Variants in ICA1L observed in about 807,000 individuals in gnomAD.
ICA1L encodes islet cell autoantigen 1-like protein.
ICA1L carries 50 observed loss-of-function variants against 61.3 expected under a neutral mutation model. The observed-to-expected ratio is 0.82, with a 90% CI of 0.65 to 1.03. The LOEUF (loss-of-function observed/expected upper bound fraction) is 1.03, where lower values mean the gene tolerates loss of function less well. ICA1L is among the 50% of genes least tolerant of loss of function. The pLI, the probability that ICA1L is intolerant of heterozygous loss-of-function variation, is 0.00. For missense variants in ICA1L, 508 were observed against 556.7 expected (o/e 0.91, Z 0.88); for synonymous variants, 161 against 191.3 (o/e 0.84, Z 1.31).
At chr2:202,866,705 C>T (rs960080353) in intron 1 of ICA1L, among the ~76,000 whole-genome samples, 1 of 152,114 alleles carries the variant, frequency 6.6e-6, no homozygotes, top group East Asian at 1.9e-4. Flanking sequence ...CCCAGCACTT[C>T]GGGAAGCTGA....
At chr2:202,832,350 G>A (rs1694034451) in intron 1 of ICA1L, among the ~76,000 whole-genome samples, 1 of 150,152 alleles carries the variant, frequency 6.7e-6, no homozygotes, top group African/African-American at 2.4e-5. Flanking sequence ...GGGAGGCTGA[G>A]GCAGGAAAAT....
chr2:202,773,905 G>A lies in ICA1L; in HGVS notation c.*5628C>T, dbSNP rs535856677. The A allele has an allele frequency of 1.6e-6, 2 of 1,249,358 alleles. No individual in the cohort carries two copies. Among genetic ancestry groups the A allele is most frequent in the Admixed American group, 1.8e-5 (1 of 56,518 alleles). 77.4% of individuals were successfully genotyped at this position (1,249,358 alleles called of 1,614,324 possible). On this transcript the variant is annotated 3_prime_UTR_variant, in exon 13 of 13. Transcript: ENST00000358299. ...CCTGCTAAATAAACCAGTGGAATAA[G>A]AACAGTCAACGTAGAAAGAGACAGA...
rs539707679 is a variant in ICA1L at position 202,844,837 on chromosome 2, T to C, written c.-7-15821A>G. ...TTAGTAACTTACAACAAAATTAATT[T>C]ACTGTCTTCCCATTCTGGAGGTCAG... On this transcript the variant is annotated intron_variant, in intron 1 of 12. Coordinates refer to ENST00000358299, the MANE Select transcript of ICA1L (RefSeq NM_001288622.3). Among the ~76,000 whole-genome samples, 4 of 152,330 alleles carry C rather than the reference T, an allele frequency of 2.6e-5. No homozygotes were observed. The East Asian group carries it at 7.7e-4, about 29-fold the overall frequency.
intron 12 of ICA1L, among the ~76,000 whole-genome samples, chr2:202,781,758 G>A (rs1438352782): frequency 2.6e-5 from 4 of 152,014 alleles, no homozygotes; most frequent in Admixed American, 1.3e-4. Context: ...GGATAGATGC[G>A]TTTCTGTTAG....
At chr2:202,851,505 A>G (rs1694619760) in intron 1 of ICA1L, among the ~76,000 whole-genome samples, 1 of 152,232 alleles carries the variant, frequency 6.6e-6, no homozygotes, top group Non-Finnish European at 1.5e-5. Flanking sequence ...AGCATGATTT[A>G]TAATCCTTTG....
At chr2:202,819,941 T>A in intron 4 of ICA1L, 42 bp from the exon 5 acceptor site, 6 of 1,437,442 alleles carry the variant, frequency 4.2e-6, no homozygotes, top group Non-Finnish European at 5.8e-6. Flanking sequence ...GAACACATCA[T>A]AAGTAAAACA....
At chr2:202,790,758 T>A (rs182732240) in intron 10 of ICA1L, among the ~76,000 whole-genome samples, 77 of 152,068 alleles carry the variant, frequency 5.1e-4, no homozygotes, top group African/African-American at 1.8e-3. Context: ...GCTAGTAAAG[T>A]GGTGGTTTCA....
At chr2:202,800,468 C>T (rs1270978493) in intron 9 of ICA1L, among the ~76,000 whole-genome samples, 1 of 152,018 alleles carries the variant, frequency 6.6e-6, no homozygotes, top group Non-Finnish European at 1.5e-5. Context: ...ATAATTGTGC[C>T]CTATTGCAAC....
At chr2:202,822,680 A>G (rs1329806927) in intron 3 of ICA1L, among the ~76,000 whole-genome samples, 1 of 152,204 alleles carries the variant, frequency 6.6e-6, no homozygotes, top group African/African-American at 2.4e-5. Context: ...TGTCATGCCT[A>G]ATTTCATCCC....
intron 1 of ICA1L, among the ~76,000 whole-genome samples, chr2:202,865,762 A>G (rs1008595732): frequency 5.9e-5 from 9 of 152,302 alleles, no homozygotes; most frequent in African/African-American, 2.2e-4. Context: ...TCACATTTCT[A>G]TATATTAGTA....
intron 2 of ICA1L, among the ~76,000 whole-genome samples, chr2:202,827,890 A>T (rs1362494782): frequency 6.6e-6 from 1 of 152,198 alleles, no homozygotes; most frequent in Admixed American, 6.5e-5. Context: ...AATTAGACTC[A>T]TATTTTTAAG....
At chr2:202,823,372 A>G (rs1693749858) in intron 3 of ICA1L, among the ~76,000 whole-genome samples, 1 of 152,230 alleles carries the variant, frequency 6.6e-6, no homozygotes, top group South Asian at 2.1e-4. Context: ...TGAAGTGAAA[A>G]TACACAATTA....
chr2:202,797,341 A>G (rs1692963456), intron 9 of ICA1L, among the ~76,000 whole-genome samples: 1 of 152,146 alleles, frequency 6.6e-6, no homozygotes, highest in Admixed American at 6.5e-5. Context: ...ACACTCTGAC[A>G]CAGTGGATGT....
rs1033051398 is a variant in ICA1L, at chr2:202,841,032, T to C, written c.-7-12016A>G. 6 of 660,046 alleles carry C rather than the reference T, an allele frequency of 9.1e-6. No homozygotes were observed. The African/African-American group carries it at 1.1e-4, about 12-fold the overall frequency. 40.9% of individuals were successfully genotyped at this position (660,046 alleles called of 1,614,324 possible). ...GCTGTCCATGTCCAGGGAGTGGCTG[T>C]TGTTCATGCACAGCACCACAGATGT... is the stretch of plus-strand genomic sequence containing the variant. On this transcript the variant is annotated intron_variant, in intron 1 of 12. Transcript: ENST00000358299.
At chr2:202,794,594 T>C (rs1692863533) in intron 10 of ICA1L, among the ~76,000 whole-genome samples, 1 of 152,080 alleles carries the variant, frequency 6.6e-6, no homozygotes, top group Non-Finnish European at 1.5e-5. Flanking sequence ...AAAAACAAGA[T>C]TATCTCTATT....
At chr2:202,803,992 A>G (rs983044641) in intron 9 of ICA1L, among the ~76,000 whole-genome samples, 7 of 152,304 alleles carry the variant, frequency 4.6e-5, no homozygotes, top group Admixed American at 1.3e-4. Context: ...AGTGTTAAAA[A>G]TAATAGTTTC....
chr2:202,820,397 C>T (rs1034575675), intron 4 of ICA1L, among the ~76,000 whole-genome samples: 9 of 151,398 alleles, frequency 5.9e-5, no homozygotes, highest in African/African-American at 2.2e-4. Flanking sequence ...AAAGTGTCTA[C>T]ACCTCCTCCC....
intron 2 of ICA1L, among the ~76,000 whole-genome samples, chr2:202,826,424 T>A (rs945969774): frequency 6.6e-6 from 1 of 152,150 alleles, no homozygotes; most frequent in Non-Finnish European, 1.5e-5. Flanking sequence ...CACATTAATG[T>A]AGGTGTTCCC....
intron 12 of ICA1L, among the ~76,000 whole-genome samples, chr2:202,783,523 C>T (rs1262515141): frequency 6.6e-6 from 1 of 152,138 alleles, no homozygotes; most frequent in East Asian, 1.9e-4. Flanking sequence ...AACCCAAATT[C>T]AAGGAATATT....
Sources: gnomAD v4.1 joint callset for allele counts (sites outside exome capture counted in the v4.1 genomes callset) on GRCh38, gnomAD v4.1.1 for gene constraint, MANE v1.5 for transcripts, NCBI Gene and HGNC (gene_info 2026-07-23, HGNC 2026-07-21) for gene names.